TSHZ2: variants seen among roughly 807,000 people sequenced by gnomAD.
The protein encoded by TSHZ2 is teashirt zinc finger homeobox 2.
TSHZ2 carries 21 observed loss-of-function variants against 74.4 expected under a neutral mutation model. That is an observed-to-expected ratio of 0.28 (90% confidence interval 0.20 to 0.41). TSHZ2 has a LOEUF of 0.41. Among genes scored for constraint, TSHZ2 ranks in the 10% least tolerant of loss-of-function variants. The pLI is 1.00. For missense variants in TSHZ2, 1,244 were observed against 1,293.5 expected, an observed-to-expected ratio of 0.96 and a Z score of 0.59; for synonymous variants, 540 against 515.3, an observed-to-expected ratio of 1.05 and a Z score of -0.65.
chr20:53,321,190 A>G (rs1478611408), intron 2 of TSHZ2, among the ~76,000 whole-genome samples: 1 of 152,154 alleles, frequency 6.6e-6, no homozygotes, highest in Non-Finnish European at 1.5e-5. Context: ...TTTTTATTAC[A>G]CAATGTTCAT....
chr20:53,244,074 C>G (rs1044166218), intron 1 of TSHZ2, among the ~76,000 whole-genome samples: 29 of 152,082 alleles, frequency 1.9e-4, no homozygotes, highest in African/African-American at 7.0e-4. Flanking sequence ...CACCTTCTAG[C>G]TCTGTGGGAT....
Position 53,255,352 on chromosome 20 carries a change from G to C in TSHZ2, c.1894G>C (p.Asp632His). 6.2e-7 allele frequency: 1 copy of C among 1,614,060 alleles called. No homozygotes were observed. The highest frequency in any genetic ancestry group is 8.5e-7 in the Non-Finnish European group (1 of 1,180,014). Reference sequence around the variant, plus strand: ...CTCATCTTTCAGCCACAGTGAGGGCGATTCTTTCCGCAAAAGTGAAACACC... The same window carrying C: ...CTCATCTTTCAGCCACAGTGAGGGCCATTCTTTCCGCAAAAGTGAAACACC... ...EASSFSHSEG[D>H]SFRKSETPPE... The change falls in exon 2 of 3, where the codon GAT (aspartate) becomes CAT (histidine). Residue 632 changes from aspartate to histidine, a missense_variant. By Grantham distance (81) the Asp-to-His change is moderately conservative (BLOSUM62 -1). Around this residue, in one of 6 missense-constraint regions of TSHZ2, gnomAD observed 562 missense variants for 544.0 expected, o/e 1.03. Transcript: ENST00000371497. This position sits in a 1 kb window ranked among gnomAD's most constrained non-coding sequence, Gnocchi z 4.1.
chr20:53,140,982 A>G (rs1437475107), intron 1 of TSHZ2, among the ~76,000 whole-genome samples: 1 of 152,124 alleles, frequency 6.6e-6, no homozygotes, highest in Non-Finnish European at 1.5e-5. Context: ...GCCACAGAGA[A>G]CTTTCTGGAG....
In TSHZ2 at chr20:53,074,863, T is replaced by G. The variant is rs1600677564; in HGVS notation, c.40+101530T>G. ...AGCAATTGAGGCTTAGAGAAGCAAA[T>G]GACTTACTTGAAGTCATCCAGCTCA... On this transcript the variant is annotated intron_variant, in intron 1 of 2. Transcript: ENST00000371497. The surrounding 1 kb of genome is among the most constrained non-coding windows in gnomAD (Gnocchi z 5.9). Among the ~76,000 whole-genome samples the G allele has an allele frequency of 6.6e-6, 1 of 152,332 alleles. No homozygotes were observed. The highest frequency in any genetic ancestry group is 1.9e-4 in the East Asian group (1 of 5,184).
chr20:53,126,866 T>G (rs1347632331), intron 1 of TSHZ2, among the ~76,000 whole-genome samples: 1 of 152,118 alleles, frequency 6.6e-6, no homozygotes, highest in Non-Finnish European at 1.5e-5. Flanking sequence ...ATCTGAGCAA[T>G]CCATCAGGAA....
At chr20:53,306,184 G>A (rs796786137) in intron 2 of TSHZ2, among the ~76,000 whole-genome samples, 21 of 152,210 alleles carry the variant, frequency 1.4e-4, no homozygotes, top group African/African-American at 4.8e-4. Context: ...CGTGAGCGTG[G>A]CAACCGTGTG....
At chr20:53,087,667 T>C (rs1455653090) in intron 1 of TSHZ2, among the ~76,000 whole-genome samples, 1 of 152,236 alleles carries the variant, frequency 6.6e-6, no homozygotes, top group Non-Finnish European at 1.5e-5. Context: ...GGAAAAGACT[T>C]TCTTTTTTGA....
At chr20:53,376,629 T>C (rs1981666012) in intron 2 of TSHZ2, among the ~76,000 whole-genome samples, 1 of 152,350 alleles carries the variant, frequency 6.6e-6, no homozygotes, top group East Asian at 1.9e-4. Context: ...TTACTTCCAG[T>C]TGGATTTCTC....
chr20:53,323,695 C>T (rs143952660), intron 2 of TSHZ2, among the ~76,000 whole-genome samples: 20,617 of 150,002 alleles, frequency 0.14, 1,804 homozygotes, highest in South Asian at 0.27. Flanking sequence ...CTTGCCTCAC[C>T]CTCCTGAGTA....
intron 2 of TSHZ2, among the ~76,000 whole-genome samples, chr20:53,455,644 T>C (rs973013532): frequency 2.0e-5 from 3 of 152,120 alleles, no homozygotes; most frequent in African/African-American, 7.2e-5. Flanking sequence ...ACATGTGCCA[T>C]GCTGGTGTGC....
chr20:53,303,920 C>T (rs1052161173), intron 2 of TSHZ2, among the ~76,000 whole-genome samples: 1 of 152,014 alleles, frequency 6.6e-6, no homozygotes, highest in Non-Finnish European at 1.5e-5. Flanking sequence ...TCTCACCTTA[C>T]CTTTGTAGCA....
chr20:53,199,236 T>G (rs1263417844), intron 1 of TSHZ2, among the ~76,000 whole-genome samples: 1 of 152,184 alleles, frequency 6.6e-6, no homozygotes, highest in Admixed American at 6.5e-5. Flanking sequence ...AGTGGCTTGT[T>G]CCTGTAATCC....
chr20:53,179,953 G>A lies in TSHZ2; in HGVS notation c.41-73546G>A, dbSNP rs547998717. ...GTTACCCTAGCAACTGTAAGATCAC[G>A]TGATGTTCAGAATAACCGTAATGGA... On this transcript the variant is annotated intron_variant, in intron 1 of 2. Transcript: ENST00000371497. Among the ~76,000 whole-genome samples, 527 of 152,274 alleles carry A rather than the reference G, an allele frequency of 3.5e-3. 1 individual carries two copies. The highest frequency in any genetic ancestry group is 0.017 in the Middle Eastern group (5 of 294).
At chr20:53,422,226 T>G (rs1983501875) in intron 2 of TSHZ2, among the ~76,000 whole-genome samples, 1 of 152,160 alleles carries the variant, frequency 6.6e-6, no homozygotes, top group Non-Finnish European at 1.5e-5. Context: ...CCAGGGAAGA[T>G]TAAAGTGTGT....
intron 2 of TSHZ2, among the ~76,000 whole-genome samples, chr20:53,461,250 G>A (rs560428435): frequency 1.2e-4 from 19 of 152,322 alleles, no homozygotes; most frequent in South Asian, 1.0e-3. Context: ...CTGGTGCGCC[G>A]TTTTTTAAGC....
chr20:52,975,667 G>A (rs1317467437), intron 1 of TSHZ2, among the ~76,000 whole-genome samples: 1 of 152,116 alleles, frequency 6.6e-6, no homozygotes, highest in Non-Finnish European at 1.5e-5. Flanking sequence ...GAAAAAGGAT[G>A]ATTCATTTCG....
chr20:53,052,932 T>C (rs1600667332), intron 1 of TSHZ2, among the ~76,000 whole-genome samples: 1 of 152,332 alleles, frequency 6.6e-6, no homozygotes, highest in South Asian at 2.1e-4. Context: ...AATTCAACAG[T>C]GTTTCGCATG....
chr20:53,219,186 G>C (rs116616298), intron 1 of TSHZ2, among the ~76,000 whole-genome samples: 136 of 152,302 alleles, frequency 8.9e-4, no homozygotes, highest in African/African-American at 3.0e-3. Flanking sequence ...TAAACACAGA[G>C]TCTATTGAAA....
intron 2 of TSHZ2, among the ~76,000 whole-genome samples, chr20:53,407,092 C>T (rs1414779750): frequency 2.6e-5 from 4 of 152,318 alleles, no homozygotes; most frequent in African/African-American, 9.6e-5. Flanking sequence ...TGACCCCTGA[C>T]GAAGCCTCTC....
Sources: allele counts gnomAD v4.1 joint callset (sites outside exome capture counted in the v4.1 genomes callset), GRCh38; gene constraint gnomAD v4.1.1; regional missense constraint gnomAD v4.1.1; non-coding constraint Gnocchi (gnomAD v3.1); transcripts MANE v1.5; gene names NCBI Gene and HGNC (gene_info 2026-07-23, HGNC 2026-07-21).